Variants in TACR1 observed in about 807,000 individuals in gnomAD.
TACR1 encodes substance-P receptor.
In TACR1, 25 loss-of-function variants were observed where a neutral mutation model predicts 35.8. That is an observed-to-expected ratio of 0.70 (90% confidence interval 0.51 to 0.98). TACR1 has a LOEUF of 0.98. Ranked by LOEUF, TACR1 falls within the 50% of genes least tolerant of loss-of-function variation. The probability of loss-of-function intolerance (pLI) is 0.00; values close to 1 mark genes in which losing one functional copy is unlikely to be tolerated. For missense variants in TACR1, 478 were observed against 522.9 expected, an observed-to-expected ratio of 0.91 and a Z score of 0.84; for synonymous variants, 195 against 206.7, an observed-to-expected ratio of 0.94 and a Z score of 0.48.
rs530061572 is a variant in TACR1 at position 75,188,209 on chromosome 2, T to C, written c.389+10337A>G. 3.9e-5 allele frequency: 6 copies of C among 152,328 alleles called. No individual in the cohort carries two copies. The East Asian group carries it at 1.2e-3, about 29-fold the overall frequency. 9.4% of individuals were successfully genotyped at this position (152,328 alleles called of 1,614,324 possible). On this transcript the variant is annotated intron_variant, in intron 1 of 4. Transcript: ENST00000305249. The stretch of plus-strand genomic sequence containing the variant: ...TTTAGAAGAGTATCTCAGTTGTTTG[T>C]AGGGTTTTCTTTTGTTTAAACATTT...
In TACR1 at chr2:75,196,585, C is replaced by A. The variant is rs12104635; in HGVS notation, c.389+1961G>T. ...GGGTCGGGGCTCTGCGGTGGTTTAC[C>A]TAGAGAAAAACAACAACGGAGCTGA... On this transcript the variant is annotated intron_variant, in intron 1 of 4. Transcript: ENST00000305249. 5.8e-3 allele frequency among the ~76,000 whole-genome samples: 888 copies of A among 152,222 alleles called. 10 individuals are homozygous for A. The highest frequency in any genetic ancestry group is 0.02 in the African/African-American group (830 of 41,524).
At chr2:75,190,258 T>C (rs929154385) in intron 1 of TACR1, among the ~76,000 whole-genome samples, 1 of 152,196 alleles carries the variant, frequency 6.6e-6, no homozygotes, top group Non-Finnish European at 1.5e-5. Flanking sequence ...CTTTGTGACA[T>C]AAAGGATTGG....
intron 3 of TACR1, 51 bp downstream of exon 3, chr2:75,053,554 C>A (rs1485354701): frequency 6.8e-7 from 1 of 1,463,504 alleles, no homozygotes; most frequent in Non-Finnish European, 9.0e-7. Context: ...CCCTTCTCGA[C>A]AGCCTGTTGT....
At chr2:75,123,327 TTG>T (rs1674008917) in intron 1 of TACR1, among the ~76,000 whole-genome samples, 1 of 152,158 alleles carries the variant, frequency 6.6e-6, no homozygotes, top group South Asian at 2.1e-4. Flanking sequence ...AGATTTTAAT[TTG>T]TTTCTCATTC....
chr2:75,050,475 G>T (rs1672442647), intron 4 of TACR1, among the ~76,000 whole-genome samples: 1 of 152,198 alleles, frequency 6.6e-6, no homozygotes, highest in Admixed American at 6.5e-5. Flanking sequence ...CCCATCCAGA[G>T]GCTGGTGGTG....
intron 1 of TACR1, among the ~76,000 whole-genome samples, chr2:75,156,598 G>A (rs1251327282): frequency 1.5e-4 from 11 of 74,502 alleles, no homozygotes; most frequent in East Asian, 3.4e-4. Flanking sequence ...GCGAGACTCC[G>A]TCTCAAAAAA....
chr2:75,137,233 A>G (rs191623616), intron 1 of TACR1, among the ~76,000 whole-genome samples: 14 of 152,326 alleles, frequency 9.2e-5, no homozygotes, highest in African/African-American at 3.4e-4. Flanking sequence ...CCAGGTCTTT[A>G]CAGAGCATAA....
At chr2:75,050,377 T>A (rs1672441389) in intron 4 of TACR1, among the ~76,000 whole-genome samples, 1 of 152,096 alleles carries the variant, frequency 6.6e-6, no homozygotes, top group East Asian at 1.9e-4. Context: ...AGTACCTGAG[T>A]GTCTAATTCA....
intron 1 of TACR1, among the ~76,000 whole-genome samples, chr2:75,141,699 T>C (rs1674411306): frequency 2.0e-5 from 3 of 152,354 alleles, no homozygotes; most frequent in Admixed American, 1.3e-4. Flanking sequence ...AATACGCAGA[T>C]GAATGAGGCA....
intron 2 of TACR1, among the ~76,000 whole-genome samples, chr2:75,090,436 A>T (rs1673286364): frequency 6.6e-6 from 1 of 152,188 alleles, no homozygotes; most frequent in South Asian, 2.1e-4. Flanking sequence ...GTTCTCTCTG[A>T]AGCCTGCTAG....
At chr2:75,103,320 C>CACACG in intron 2 of TACR1, among the ~76,000 whole-genome samples, 1 of 152,066 alleles carries the variant, frequency 6.6e-6, no homozygotes, top group Non-Finnish European at 1.5e-5. Context: ...GTCCTCAAAA[C>CACACG]ACACGACACA....
chr2:75,129,854 C>G (rs1381636531), intron 1 of TACR1, among the ~76,000 whole-genome samples: 1 of 152,110 alleles, frequency 6.6e-6, no homozygotes, highest in Admixed American at 6.5e-5. Flanking sequence ...CCGCAGAAAA[C>G]TTAAAGCAGA....
intron 2 of TACR1, among the ~76,000 whole-genome samples, chr2:75,055,399 A>G (rs1672548498): frequency 6.6e-6 from 1 of 152,210 alleles, no homozygotes; most frequent in African/African-American, 2.4e-5. Context: ...AAGCCCTCTG[A>G]ATTGTCGCCT....
intron 1 of TACR1, among the ~76,000 whole-genome samples, chr2:75,147,589 T>C (rs1674539227): frequency 6.6e-6 from 1 of 152,152 alleles, no homozygotes; most frequent in East Asian, 1.9e-4. Flanking sequence ...GGCCCCAGCA[T>C]GTGTTGTTCC....
intron 4 of TACR1, chr2:75,051,015 A>G: frequency 1.8e-6 from 1 of 560,880 alleles, no homozygotes; most frequent in Admixed American, 3.1e-5. Flanking sequence ...TTGGACAATA[A>G]TATGGATTTC....
intron 2 of TACR1, among the ~76,000 whole-genome samples, chr2:75,104,570 T>C (rs1673603968): frequency 6.6e-6 from 1 of 152,030 alleles, no homozygotes; most frequent in South Asian, 2.1e-4. Context: ...TTCCATCCAA[T>C]AGCAGCAGAA....
At chr2:75,168,337 G>A (rs1054771508) in intron 1 of TACR1, among the ~76,000 whole-genome samples, 2 of 152,138 alleles carry the variant, frequency 1.3e-5, no homozygotes, top group African/African-American at 2.4e-5. Flanking sequence ...TAAGTTAAGG[G>A]CCTCGAGATA....
At position 75,101,980 on chromosome 2, in the gene TACR1, A is replaced by C. The variant is rs181142841; in HGVS notation, c.584+18594T>G. Among the ~76,000 whole-genome samples, 703 of 152,238 alleles carry C rather than the reference A, an allele frequency of 4.6e-3. 4 individuals carry two copies. The highest frequency in any genetic ancestry group is 0.014 in the Middle Eastern group (4 of 294). On this transcript the variant is annotated intron_variant, in intron 2 of 4. Coordinates refer to ENST00000305249, the MANE Select transcript of TACR1 (RefSeq NM_001058.4). Reference sequence around the variant, plus strand: ...AAAATAAAAAAATAAAAAAATAAAAATAAAGACATGCCATATGGGTTGCTT... The same window carrying C: ...AAAATAAAAAAATAAAAAAATAAAACTAAAGACATGCCATATGGGTTGCTT...
intron 1 of TACR1, among the ~76,000 whole-genome samples, chr2:75,161,636 G>C (rs940237094): frequency 1.3e-5 from 2 of 152,074 alleles, no homozygotes; most frequent in African/African-American, 2.4e-5. Context: ...TATAGTAAAG[G>C]AGGTATAAAA....
Sources: allele counts gnomAD v4.1 joint callset (sites outside exome capture counted in the v4.1 genomes callset), GRCh38; gene constraint gnomAD v4.1.1; transcripts MANE v1.5; gene names NCBI Gene and HGNC (gene_info 2026-07-23, HGNC 2026-07-21).